PCDH9: variants seen among roughly 807,000 people sequenced by gnomAD.
PCDH9 encodes the protein protocadherin-9.
In PCDH9, 24 loss-of-function variants were observed where a neutral mutation model predicts 70.6. That is an observed-to-expected ratio of 0.34 (90% confidence interval 0.25 to 0.48). The LOEUF is 0.48. Ranked by LOEUF, PCDH9 falls within the 20% of genes least tolerant of loss-of-function variation. PCDH9 has a pLI of 0.99. For missense variants in PCDH9, 1,281 were observed against 1,503.6 expected (o/e 0.85, Z 2.45); for synonymous variants, 562 against 558.5 (o/e 1.01, Z -0.09).
chr13:66,862,029 C>T (rs992976636), intron 3 of PCDH9, among the ~76,000 whole-genome samples: 3 of 152,108 alleles, frequency 2.0e-5, no homozygotes, highest in African/African-American at 7.2e-5. Context: ...TGGACTTTAA[C>T]AGTCTCATTT....
At chr13:66,349,887 G>T (rs866067795) in intron 4 of PCDH9, among the ~76,000 whole-genome samples, 9 of 152,118 alleles carry the variant, frequency 5.9e-5, no homozygotes, top group Admixed American at 1.3e-4. Context: ...ATAGTCAAAA[G>T]AAATTTTTGA....
intron 4 of PCDH9, among the ~76,000 whole-genome samples, chr13:66,421,920 T>A (rs528343646): frequency 1.3e-5 from 2 of 152,274 alleles, no homozygotes; most frequent in African/African-American, 4.8e-5. Flanking sequence ...ACCCATCTCA[T>A]GTGCAAAGAC....
intron 3 of PCDH9, among the ~76,000 whole-genome samples, chr13:66,851,575 T>TCACACACACACACACA (rs59674873): frequency 4.2e-4 from 61 of 146,838 alleles, no homozygotes; most frequent in African/African-American, 1.2e-3. Context: ...CGCATCACCC[T>TCACACACACACACACA]CACACACACA....
chr13:66,937,831 T>G (rs75446634), intron 2 of PCDH9, among the ~76,000 whole-genome samples: 1 of 152,180 alleles, frequency 6.6e-6, no homozygotes, highest in East Asian at 1.9e-4. Flanking sequence ...TTTTTTTTTT[T>G]TGTCTATAAA....
At chr13:66,605,697 C>T (rs2077214135) in intron 4 of PCDH9, among the ~76,000 whole-genome samples, 1 of 152,026 alleles carries the variant, frequency 6.6e-6, no homozygotes, top group Non-Finnish European at 1.5e-5. Context: ...ATCAGTTTTG[C>T]CAGATGAATC....
At chr13:67,138,822 T>A (rs1052090373) in intron 2 of PCDH9, among the ~76,000 whole-genome samples, 1 of 152,230 alleles carries the variant, frequency 6.6e-6, no homozygotes, top group African/African-American at 2.4e-5. Context: ...TGCTAATATG[T>A]TAATATATTA....
chr13:67,034,799 T>C (rs1186868946), intron 2 of PCDH9, among the ~76,000 whole-genome samples: 1 of 152,082 alleles, frequency 6.6e-6, no homozygotes, highest in Non-Finnish European at 1.5e-5. Flanking sequence ...ATTTAGTCTG[T>C]TCAAAAATTG....
At chr13:67,205,569 T>G (rs1039776340) in intron 2 of PCDH9, 3 of 152,222 alleles carry the variant, frequency 2.0e-5, no homozygotes, top group African/African-American at 7.2e-5. Context: ...TAAATCTTTT[T>G]TATTTTCTAG....
chr13:66,834,662 C>T (rs2080985683), intron 3 of PCDH9, among the ~76,000 whole-genome samples: 1 of 152,154 alleles, frequency 6.6e-6, no homozygotes, highest in African/African-American at 2.4e-5. Context: ...CAATTCATTG[C>T]ACATTGGGGA....
At chr13:66,718,540 A>G (rs1424298224) in intron 3 of PCDH9, among the ~76,000 whole-genome samples, 1 of 152,226 alleles carries the variant, frequency 6.6e-6, no homozygotes, top group African/African-American at 2.4e-5. Flanking sequence ...CTAAAAGACA[A>G]AACATGTTTC....
intron 3 of PCDH9, among the ~76,000 whole-genome samples, chr13:66,645,790 C>T (rs551554560): frequency 1.2e-3 from 187 of 152,178 alleles, no homozygotes; most frequent in African/African-American, 4.4e-3. Flanking sequence ...TCTCTCCATT[C>T]ATAATGTTTA....
rs2079345394 is a variant in PCDH9 at position 66,745,404 on chromosome 13, TG to T, written c.3139-113994del. ...CAAAATGTGACCGGAATAATATGCC[TG>T]ATTCAACAAATGGTAAATTGCGCCT... On this transcript the variant is annotated intron_variant, in intron 3 of 4. Coordinates refer to ENST00000377865, the MANE Select transcript of PCDH9 (RefSeq NM_203487.3). Among the ~76,000 whole-genome samples the T allele has an allele frequency of 2.0e-5, 3 of 152,322 alleles. No homozygotes were observed. In the South Asian group the frequency reaches 6.2e-4, roughly 32 times the overall value.
intron 3 of PCDH9, among the ~76,000 whole-genome samples, chr13:66,827,785 C>A (rs184498270): frequency 1.3e-5 from 2 of 152,040 alleles, no homozygotes; most frequent in Admixed American, 1.3e-4. Flanking sequence ...AAATGTCAAC[C>A]GATGGGTAAG....
chr13:67,209,123 G>A (rs1251848824), intron 2 of PCDH9: 1 of 152,104 alleles, frequency 6.6e-6, no homozygotes, highest in Non-Finnish European at 1.5e-5. Context: ...TATTACAAGA[G>A]CAGAATTGAC....
intron 3 of PCDH9, among the ~76,000 whole-genome samples, chr13:66,652,674 T>C (rs1307306297): frequency 1.3e-5 from 2 of 151,652 alleles, no homozygotes; most frequent in African/African-American, 4.8e-5. Flanking sequence ...CCCAAACCAA[T>C]CCTGAGCAAA....
At chr13:66,734,598 A>G (rs770913541) in intron 3 of PCDH9, among the ~76,000 whole-genome samples, 1 of 152,172 alleles carries the variant, frequency 6.6e-6, no homozygotes, top group Non-Finnish European at 1.5e-5. Flanking sequence ...CTTCCAGCAC[A>G]TTCATTTTCT....
intron 3 of PCDH9, among the ~76,000 whole-genome samples, chr13:66,694,823 G>C (rs182347702): frequency 6.6e-6 from 1 of 151,532 alleles, no homozygotes; most frequent in East Asian, 1.9e-4. Flanking sequence ...GCATATCCAA[G>C]CACATTTCAG....
chr13:66,834,020 A>C (rs539659706), intron 3 of PCDH9, among the ~76,000 whole-genome samples: 1 of 152,292 alleles, frequency 6.6e-6, no homozygotes, highest in Non-Finnish European at 1.5e-5. Flanking sequence ...AGAATGAAAA[A>C]AATCTAATTT....
chr13:66,983,179 T>C (rs78414266), intron 2 of PCDH9, among the ~76,000 whole-genome samples: 2 of 151,962 alleles, frequency 1.3e-5, no homozygotes, highest in Non-Finnish European at 2.9e-5. Flanking sequence ...CGTTTACCTA[T>C]GTAAAAAAAC....
Sources: allele counts gnomAD v4.1 joint callset (sites outside exome capture counted in the v4.1 genomes callset), GRCh38; gene constraint gnomAD v4.1.1; transcripts MANE v1.5; gene names NCBI Gene and HGNC (gene_info 2026-07-23, HGNC 2026-07-21).